The following FANCM variants were observed in gnomAD, a reference collection of about 807,000 sequenced individuals.
FANCM encodes Fanconi anemia group M protein.
Under a neutral mutation model 199.5 loss-of-function variants are expected in FANCM, and 140 were observed. The ratio of observed to expected loss-of-function variants is 0.70; its 90% CI spans 0.61 to 0.81. FANCM has a LOEUF of 0.81. FANCM is among the 30% of genes least tolerant of loss of function. The pLI is 0.00. For synonymous variants in FANCM, 840 were observed against 836.8 expected, an observed-to-expected ratio of 1.00 and a Z score of -0.07; for missense variants, 2,410 against 2,421.4, an observed-to-expected ratio of 1.00 and a Z score of 0.10.
intron 5 of FANCM, 29 bp downstream of exon 5, chr14:45,151,557 CAG>C (rs1886820835): frequency 6.3e-7 from 1 of 1,592,864 alleles, no homozygotes; most frequent in Non-Finnish European, 8.6e-7. Context: ...ATTTTGATGA[CAG>C]ATTAAATTTT....
Position 45,196,466 on chromosome 14 carries a change from A to G in FANCM, c.5635A>G (p.Lys1879Glu), listed in dbSNP as rs757161412. The change falls in exon 21 of 23, where the codon AAG (lysine) becomes GAG (glutamate). Residue 1879 changes from lysine to glutamate, a missense_variant. Physicochemically the swap from Lys to Glu is moderately conservative, Grantham distance 56. Transcript: ENST00000267430. The part of the protein sequence containing the change: ...SEMLNSVNKN[K>E]FIEQIQHLQS... ...GATGTTAAATAGTGTCAATAAGAAC[A>G]AGTTCATTGAGCAGATCCAGCACCT... The G allele has an allele frequency of 6.2e-7, 1 of 1,614,032 alleles. No homozygotes were observed. The highest frequency in any genetic ancestry group is 8.5e-7 in the Non-Finnish European group (1 of 1,179,908).
intron 4 of FANCM, among the ~76,000 whole-genome samples, chr14:45,149,285 GCACACACACA>G (rs147489712): frequency 2.0e-5 from 3 of 147,992 alleles, no homozygotes; most frequent in African/African-American, 5.0e-5. Flanking sequence ...TATAGAACAT[GCACACACACA>G]CACACACACA....
At chr14:45,148,620 CTG>C (rs1383112303) in intron 3 of FANCM, among the ~76,000 whole-genome samples, 1 of 152,110 alleles carries the variant, frequency 6.6e-6, no homozygotes, top group East Asian at 1.9e-4. Context: ...GCTTGAAGGT[CTG>C]TGTGGGGAAA....
At chr14:45,164,649 C>T in intron 10 of FANCM, 84 bp downstream of exon 10, 1 of 1,019,430 alleles carries the variant, frequency 9.8e-7, no homozygotes, top group Admixed American at 2.0e-5. Context: ...GTTAGCATTC[C>T]AAGTCCAAAC....
intron 16 of FANCM, among the ~76,000 whole-genome samples, chr14:45,182,379 A>G (rs1335757077): frequency 1.3e-5 from 2 of 152,240 alleles, no homozygotes; most frequent in Non-Finnish European, 2.9e-5. Context: ...AGAATTGCTT[A>G]TTCTTTTCAT....
intron 14 of FANCM, among the ~76,000 whole-genome samples, chr14:45,177,713 A>G (rs1299152291): frequency 6.6e-6 from 1 of 151,976 alleles, no homozygotes; most frequent in East Asian, 1.9e-4. Flanking sequence ...TATAGTGTAG[A>G]TTTTCATTTG....
chr14:45,151,380 T>C lies in FANCM; in HGVS notation c.919-17T>C, dbSNP rs1226907219. On this transcript the variant is annotated splice_polypyrimidine_tract_variant and intron_variant, in intron 4 of 22. Transcript: ENST00000267430. ...ACTTTAGAGCAAGCTTAAACTAGAT[T>C]GCTTTTAAATTTGCAGATTTTGGAA... is the stretch of plus-strand genomic sequence containing the variant. 6.2e-7 allele frequency: 1 copy of C among 1,612,444 alleles called. No homozygotes were observed. Among genetic ancestry groups the C allele is most frequent in the Non-Finnish European group, 8.5e-7 (1 of 1,178,770 alleles).
At position 45,148,933 on chromosome 14, in the gene FANCM, G is replaced by T; in HGVS notation, c.856G>T (p.Val286Phe). The T allele has an allele frequency of 6.8e-6, 11 of 1,613,800 alleles. No homozygotes were observed. Among genetic ancestry groups the T allele is most frequent in the South Asian group, 1.1e-5 (1 of 91,070 alleles). Reference protein sequence around the residue: ...DILTYSHERKVEKLIVPLGEE... With the variant: ...DILTYSHERKFEKLIVPLGEE... ...TTTGACATATTCTCATGAAAGAAAA[G>T]TTGAAAAGCTTATTGTTCCGCTTGG... The change falls in exon 4 of 23, where the codon GTT (valine) becomes TTT (phenylalanine). Residue 286 changes from valine (V) to phenylalanine (F), a missense_variant. Val to Phe is a conservative substitution (Grantham distance 50). Transcript: ENST00000267430.
intron 5 of FANCM, among the ~76,000 whole-genome samples, chr14:45,151,742 T>C (rs1433589440): frequency 1.3e-5 from 2 of 151,710 alleles, no homozygotes; most frequent in African/African-American, 4.8e-5. Context: ...CTGGGCAACA[T>C]AGTGAGGCCC....
Position 45,198,885 on chromosome 14 carries a change from T to TG in FANCM, c.5959dup (p.Ala1987GlyfsTer16), listed in dbSNP as rs1256015756. 6.2e-7 allele frequency: 1 copy of TG among 1,611,166 alleles called. No individual in the cohort carries two copies. The highest frequency in any genetic ancestry group is 8.5e-7 in the Non-Finnish European group (1 of 1,177,386). ...GTATTCCCAATATAAGTTATATAACTGCATTAAATATGTGTCACCAGTTTT... is the reference window on the plus strand; with the variant it reads ...GTATTCCCAATATAAGTTATATAACTGGCATTAAATATGTGTCACCAGTTTT... On this transcript the variant is annotated frameshift_variant, in exon 22 of 23. Transcript: ENST00000267430. LOFTEE classifies it high-confidence loss of function.
chr14:45,184,940 ATT>A (rs1176189406), intron 17 of FANCM, among the ~76,000 whole-genome samples: 29 of 139,074 alleles, frequency 2.1e-4, no homozygotes, highest in South Asian at 4.6e-4. Flanking sequence ...CACCCTGCCA[ATT>A]TTTTTTTTTT....
intron 5 of FANCM, among the ~76,000 whole-genome samples, chr14:45,152,203 A>T (rs1886874685): frequency 6.6e-6 from 1 of 151,526 alleles, no homozygotes; most frequent in African/African-American, 2.4e-5. Context: ...TAATTTTTGT[A>T]TTTTTTAGTA....
At chr14:45,179,265 T>C (rs1475103529) in intron 14 of FANCM, among the ~76,000 whole-genome samples, 1 of 152,104 alleles carries the variant, frequency 6.6e-6, no homozygotes, top group East Asian at 1.9e-4. Context: ...AGGCACAATC[T>C]TTGATTTTTA....
At chr14:45,166,633 G>T (rs1389229344) in intron 10 of FANCM, among the ~76,000 whole-genome samples, 9 of 151,916 alleles carry the variant, frequency 5.9e-5, no homozygotes, top group Non-Finnish European at 1.2e-4. Context: ...AAGATTAACT[G>T]GGTGTGGTAG....
At chr14:45,143,690 ATTT>A (rs869298490) in intron 3 of FANCM, among the ~76,000 whole-genome samples, 7 of 123,942 alleles carry the variant, frequency 5.6e-5, no homozygotes, top group Non-Finnish European at 3.3e-5. Flanking sequence ...TTGAGTAAGG[ATTT>A]TTTTTTTTTT....
At position 45,199,945 on chromosome 14, in the gene FANCM, T is replaced by C. The variant is rs756119280; in HGVS notation, c.6084T>C (p.Tyr2028=). 1.9e-5 allele frequency: 31 copies of C among 1,600,524 alleles called. No homozygotes were observed. The highest frequency in any genetic ancestry group is 3.3e-5 in the South Asian group (3 of 90,780). The change falls in exon 23 of 23, where the codon TAT becomes TAC. Residue 2028 remains tyrosine, a synonymous_variant. Transcript: ENST00000267430. Reference sequence around the variant, plus strand: ...AGGAGATCTATAGATATATTCACTATGTATTTGACATACAAATGTTACCAA... The same window carrying C: ...AGGAGATCTATAGATATATTCACTACGTATTTGACATACAAATGTTACCAA... ...KAEEIYRYIH[Y]VFDIQMLPND...
chr14:45,186,710 T>C (rs1329045620), intron 18 of FANCM, among the ~76,000 whole-genome samples: 53 of 152,140 alleles, frequency 3.5e-4, no homozygotes, highest in African/African-American at 7.2e-5. Flanking sequence ...TGGAAGAATG[T>C]TGATGCAAAG....
In FANCM at chr14:45,167,040, C is replaced by T. The variant is rs374626826; in HGVS notation, c.1879C>T (p.Arg627Ter). The T allele has an allele frequency of 4.3e-6, 7 of 1,611,376 alleles. No individual in the cohort carries two copies. The highest frequency in any genetic ancestry group is 2.7e-5 in the African/African-American group (2 of 74,866). ...CCTTCATTTTTACCAAAGAAGTCCA[C>T]GAATGGTTCCTGATGGAATCAACCC... ...QVLHFYQRSP[R>*]MVPDGINPKL... Residue 627 changes from arginine to a stop codon, truncating the protein, a stop_gained, in exon 11 of 23, where the codon CGA becomes TGA. Coordinates refer to ENST00000267430, the MANE Select transcript of FANCM (RefSeq NM_020937.4). LOFTEE classifies it high-confidence loss of function.
chr14:45,183,723 T>G (rs777946908), intron 16 of FANCM, 51 bp from the exon 17 acceptor site: 6 of 1,381,242 alleles, frequency 4.3e-6, no homozygotes, highest in Non-Finnish European at 6.2e-6. Context: ...TTTACTTGTC[T>G]AGGAAGAAAA....
Sources: allele counts gnomAD v4.1 joint callset (sites outside exome capture counted in the v4.1 genomes callset), GRCh38; gene constraint gnomAD v4.1.1; transcripts MANE v1.5; gene names NCBI Gene and HGNC (gene_info 2026-07-23, HGNC 2026-07-21).